The following LRMDA variants were observed in gnomAD, a reference collection of about 807,000 sequenced individuals.
The protein encoded by LRMDA is leucine rich melanocyte differentiation associated.
LRMDA carries 18 observed loss-of-function variants against 29.8 expected under a neutral mutation model. The observed-to-expected ratio is 0.60, with a 90% CI of 0.42 to 0.90. The LOEUF is 0.90. Ranked by LOEUF, LRMDA falls within the 40% of genes least tolerant of loss-of-function variation. The pLI is 0.00. For synonymous variants in LRMDA, 125 were observed against 109.4 expected, an observed-to-expected ratio of 1.14 and a Z score of -0.89; for missense variants, 273 against 273.9, an observed-to-expected ratio of 1.00 and a Z score of 0.02.
chr10:76,492,340 G>A (rs1329690032), intron 6 of LRMDA, among the ~76,000 whole-genome samples: 1 of 151,936 alleles, frequency 6.6e-6, no homozygotes, highest in Non-Finnish European at 1.5e-5. Flanking sequence ...ATCCTTCTTG[G>A]ATAGTCTTTC....
At chr10:76,105,477 T>G (rs1849466221) in intron 5 of LRMDA, among the ~76,000 whole-genome samples, 1 of 152,136 alleles carries the variant, frequency 6.6e-6, no homozygotes, top group Non-Finnish European at 1.5e-5. Context: ...AAATGAAATC[T>G]TCCTATATTA....
chr10:76,235,860 A>G (rs918462520), intron 5 of LRMDA, among the ~76,000 whole-genome samples: 13 of 152,334 alleles, frequency 8.5e-5, no homozygotes, highest in African/African-American at 2.9e-4. Context: ...ATAGTTTACT[A>G]ATGTAGATTT....
At chr10:75,991,013 G>A (rs1320186431) in intron 2 of LRMDA, among the ~76,000 whole-genome samples, 4 of 152,164 alleles carry the variant, frequency 2.6e-5, no homozygotes, top group Non-Finnish European at 5.9e-5. Context: ...CCTCCATAAA[G>A]TGAAGGTGAT....
chr10:75,836,605 C>G (rs1044145549), intron 2 of LRMDA, among the ~76,000 whole-genome samples: 10 of 152,078 alleles, frequency 6.6e-5, no homozygotes, highest in African/African-American at 1.9e-4. Context: ...AAAGAGGAAT[C>G]TTCTATTCAG....
chr10:75,790,173 G>T (rs372894959), intron 2 of LRMDA, among the ~76,000 whole-genome samples: 1 of 152,050 alleles, frequency 6.6e-6, no homozygotes, highest in South Asian at 2.1e-4. Context: ...TGTGGGGGCC[G>T]TCCTGTGCAT....
intron 2 of LRMDA, among the ~76,000 whole-genome samples, chr10:75,495,041 C>T (rs544502089): frequency 2.8e-4 from 43 of 152,270 alleles, no homozygotes; most frequent in African/African-American, 9.9e-4. Context: ...CTTATGTAGC[C>T]GTCCAGATGT....
chr10:76,432,978 A>G (rs758164724), intron 6 of LRMDA, among the ~76,000 whole-genome samples: 2 of 152,208 alleles, frequency 1.3e-5, no homozygotes, highest in Non-Finnish European at 2.9e-5. Context: ...GCCCAGGAAG[A>G]AGGACAGAAT....
At chr10:75,604,351 G>C (rs1323876626) in intron 2 of LRMDA, among the ~76,000 whole-genome samples, 2 of 152,146 alleles carry the variant, frequency 1.3e-5, no homozygotes, top group Non-Finnish European at 2.9e-5. Context: ...AATTCTAGGA[G>C]TATTAGTGTG....
At chr10:76,118,331 G>A (rs1378820801) in intron 5 of LRMDA, among the ~76,000 whole-genome samples, 2 of 152,100 alleles carry the variant, frequency 1.3e-5, no homozygotes, top group Non-Finnish European at 2.9e-5. Flanking sequence ...CTTGGGAGTG[G>A]GTTGGGCTCT....
At chr10:75,700,332 A>G (rs1441315657) in intron 2 of LRMDA, among the ~76,000 whole-genome samples, 2 of 151,806 alleles carry the variant, frequency 1.3e-5, no homozygotes, top group Admixed American at 1.3e-4. Context: ...CATCTGTCTA[A>G]TGAAAAAAAT....
At position 76,433,805 on chromosome 10, in the gene LRMDA, T is replaced by TA. The variant is rs1018557101; in HGVS notation, c.601+109321dup. On this transcript the variant is annotated intron_variant, in intron 6 of 6. Coordinates refer to ENST00000611255, the MANE Select transcript of LRMDA (RefSeq NM_001305581.2). ...TCATGGGATCAAATTCTAACCCTCTTAGAGTGAGCCCATCCAAATGCTCTG... is the reference window on the plus strand; with the variant it reads ...TCATGGGATCAAATTCTAACCCTCTTAAGAGTGAGCCCATCCAAATGCTCTG... The TA allele has an allele frequency of 1.7e-4, 26 of 152,308 alleles. 1 individual carries two copies. Among genetic ancestry groups the TA allele is most frequent in the Admixed American group, 1.6e-3 (25 of 15,294 alleles). 9.4% of individuals were successfully genotyped at this position (152,308 alleles called of 1,614,324 possible).
At chr10:75,578,236 A>AAAAAAAAAAAC in intron 2 of LRMDA, among the ~76,000 whole-genome samples, 2 of 148,386 alleles carry the variant, frequency 1.3e-5, no homozygotes, top group African/African-American at 2.4e-5. Context: ...AAAAAAAAAA[A>AAAAAAAAAAAC]AAAGCAGCAG....
At chr10:75,958,277 G>A (rs1339645694) in intron 2 of LRMDA, among the ~76,000 whole-genome samples, 1 of 152,194 alleles carries the variant, frequency 6.6e-6, no homozygotes, top group Non-Finnish European at 1.5e-5. Flanking sequence ...GTGAGCAAAT[G>A]TTAAATTAAG....
intron 2 of LRMDA, among the ~76,000 whole-genome samples, chr10:75,573,483 T>C (rs1017032966): frequency 1.3e-5 from 2 of 152,194 alleles, no homozygotes; most frequent in African/African-American, 4.8e-5. Flanking sequence ...TTCCATCTCT[T>C]TATCTCCCCA....
intron 2 of LRMDA, among the ~76,000 whole-genome samples, chr10:75,733,152 C>T (rs964631827): frequency 6.6e-6 from 1 of 152,202 alleles, no homozygotes; most frequent in Middle Eastern, 3.2e-3. Context: ...TAATGATGAA[C>T]TGCTTGTGTC....
intron 6 of LRMDA, among the ~76,000 whole-genome samples, chr10:76,344,073 C>G (rs546779921): frequency 4.3e-4 from 66 of 152,174 alleles, no homozygotes; most frequent in Non-Finnish European, 6.6e-4. Flanking sequence ...CCACCCTCCT[C>G]AGCCTCCCAA....
At chr10:75,639,221 G>A (rs1841423887) in intron 2 of LRMDA, among the ~76,000 whole-genome samples, 1 of 152,180 alleles carries the variant, frequency 6.6e-6, no homozygotes, top group Non-Finnish European at 1.5e-5. Flanking sequence ...ATGTATTTGT[G>A]GGTATATCAG....
At chr10:75,600,280 C>A (rs1019621610) in intron 2 of LRMDA, among the ~76,000 whole-genome samples, 1 of 152,162 alleles carries the variant, frequency 6.6e-6, no homozygotes, top group Non-Finnish European at 1.5e-5. Context: ...GAAGGGCATG[C>A]CCAAATCTGA....
chr10:76,558,814 T>A lies in LRMDA; in HGVS notation c.*1526T>A, dbSNP rs1907301. The A allele has an allele frequency of 0.82, 125,201 of 152,160 alleles. 53,865 individuals are homozygous for A. The highest frequency in any genetic ancestry group is 0.97 in the Non-Finnish European group (65,704 of 68,034). The allele number at this position is 152,160 out of a possible 1,614,324, so 9.4% of individuals were successfully genotyped here. A position where few individuals can be genotyped will look rare whatever the true frequency, so the allele number is the denominator to read the frequency against. On this transcript the variant is annotated 3_prime_UTR_variant, in exon 7 of 7. Transcript: ENST00000611255. ...CAACACAGGCCTTGAATGACATGTA[T>A]TGAGGCTGGCAGGAGTCCCTGTTTG...
Sources: allele counts gnomAD v4.1 joint callset (sites outside exome capture counted in the v4.1 genomes callset), GRCh38; gene constraint gnomAD v4.1.1; transcripts MANE v1.5; gene names NCBI Gene and HGNC (gene_info 2026-07-23, HGNC 2026-07-21).